PAK3: variants seen among roughly 807,000 people sequenced by gnomAD.
The protein encoded by PAK3 is serine/threonine-protein kinase PAK 3.
A neutral mutation model predicts 41.0 loss-of-function variants in PAK3; 4 were observed. That is an observed-to-expected ratio of 0.10 (90% confidence interval 0.05 to 0.22). The LOEUF is 0.22. Ranked by LOEUF, PAK3 falls within the 10% of genes least tolerant of loss-of-function variation. The pLI, the probability that PAK3 is intolerant of heterozygous loss-of-function variation, is 1.00. For synonymous variants in PAK3, 146 were observed against 139.6 expected, an observed-to-expected ratio of 1.05 and a Z score of -0.32; for missense variants, 205 against 409.9, an observed-to-expected ratio of 0.50 and a Z score of 4.32.
chrX:111,065,512 T>TTTTC (rs200681007), intron 1 of PAK3, among the ~76,000 whole-genome samples: 1,830 of 111,331 alleles, frequency 0.016, 45 homozygotes, highest in African/African-American at 0.055. Flanking sequence ...TGGCCTGTAG[T>TTTTC]TTTCTTTTTT....
intron 1 of PAK3, among the ~76,000 whole-genome samples, chrX:111,056,808 G>A (rs1250504047): frequency 1.8e-5 from 2 of 111,500 alleles, no homozygotes; most frequent in African/African-American, 6.5e-5. Context: ...TAGTGATTCC[G>A]TGAAAGCCTT....
At chrX:111,057,466 T>C (rs1390347198) in intron 1 of PAK3, among the ~76,000 whole-genome samples, 2 of 111,811 alleles carry the variant, frequency 1.8e-5, no homozygotes, top group African/African-American at 6.5e-5. Flanking sequence ...TTAGCAAGCC[T>C]CTAAAAATAA....
chrX:111,092,064 T>C (rs1347431938), upstream of PAK3, among the ~76,000 whole-genome samples: 3 of 111,608 alleles, frequency 2.7e-5, no homozygotes, highest in Non-Finnish European at 5.6e-5. Flanking sequence ...ATTCAGTGCC[T>C]GCCCAGGTAT....
chrX:111,019,360 A>G lies in PAK3; in HGVS notation c.-28+74732A>G, dbSNP rs146273350. ...TATATCTGGTAAGGGATTGATATCC[A>G]GAATTGTAAACTCAACAACAACCAC... On this transcript the variant is annotated intron_variant, in intron 1 of 14. Transcript: ENST00000425146. 3.8e-3 allele frequency among the ~76,000 whole-genome samples: 413 copies of G among 110,109 alleles called. 3 individuals carry two copies. Among genetic ancestry groups the G allele is most frequent in the Non-Finnish European group, 5.7e-3 (300 of 52,700 alleles).
chrX:111,141,980 TTG>T, intron 5 of PAK3, 114 bp from the exon 6 acceptor site: 1 of 539,932 alleles, frequency 1.9e-6, no homozygotes, highest in Non-Finnish European at 3.4e-6. Flanking sequence ...GTTGTTAAAA[TTG>T]TGTTGGAATC....
chrX:111,198,515 A>G (rs1016776196), intron 16 of PAK3, among the ~76,000 whole-genome samples: 1 of 112,015 alleles, frequency 8.9e-6, no homozygotes, highest in Non-Finnish European at 1.9e-5. Flanking sequence ...TGATGAAGGG[A>G]AAGGATCCAA....
At chrX:111,073,193 C>T (rs927204141) in intron 1 of PAK3, among the ~76,000 whole-genome samples, 3 of 111,194 alleles carry the variant, frequency 2.7e-5, no homozygotes, top group Non-Finnish European at 5.7e-5. Flanking sequence ...AAAATGGACA[C>T]ATAACATACC....
chrX:111,026,856 G>A lies in PAK3; in HGVS notation c.-28+82228G>A, dbSNP rs559892614. 1.2e-3 allele frequency among the ~76,000 whole-genome samples: 129 copies of A among 111,627 alleles called. 1 individual carries two copies. The Middle Eastern group carries it at 0.019, about 16-fold the overall frequency. On this transcript the variant is annotated intron_variant, in intron 1 of 14. Coordinates refer to the PAK3 transcript ENST00000425146. ...AAAAGAGCCCACATAGCCAAAGCAAGACTAAGAAAACAGAACAAATCTGGA... is the reference window on the plus strand; with the variant it reads ...AAAAGAGCCCACATAGCCAAAGCAAAACTAAGAAAACAGAACAAATCTGGA...
At chrX:111,114,931 C>T (rs2093436301) in intron 4 of PAK3, among the ~76,000 whole-genome samples, 1 of 112,151 alleles carries the variant, frequency 8.9e-6, no homozygotes. Context: ...GCTCCTTCCA[C>T]CAAGCCCTGC....
chrX:111,065,594 C>T (rs1055958202), intron 1 of PAK3, among the ~76,000 whole-genome samples: 3 of 111,464 alleles, frequency 2.7e-5, no homozygotes, highest in Non-Finnish European at 5.7e-5. Flanking sequence ...GGAGGAGCCC[C>T]TCCTCTTCAA....
intron 1 of PAK3, among the ~76,000 whole-genome samples, chrX:111,028,031 G>A (rs2404542): frequency 0.011 from 45 of 4,194 alleles, 1 homozygote; most frequent in Non-Finnish European, 0.04. Flanking sequence ...ATATATGTGT[G>A]TATATATATA....
intron 1 of PAK3, among the ~76,000 whole-genome samples, chrX:111,004,641 A>T (rs12392063): frequency 1.8e-5 from 2 of 112,301 alleles, no homozygotes; most frequent in Admixed American, 1.9e-4. Context: ...CACATACTTG[A>T]TCAATTTAAG....
chrX:111,019,717 GA>G (rs1308833075), intron 1 of PAK3, among the ~76,000 whole-genome samples: 1 of 11,322 alleles, frequency 8.8e-5, no homozygotes, highest in Non-Finnish European at 5.0e-4. Flanking sequence ...AGAAAGAAAA[GA>G]AAAAGGGGGG....
intron 1 of PAK3, among the ~76,000 whole-genome samples, chrX:110,979,906 C>T (rs1252927277): frequency 8.9e-6 from 1 of 112,029 alleles, no homozygotes; most frequent in Non-Finnish European, 1.9e-5. Context: ...GGACTCATAT[C>T]TGGAGGTTCT....
chrX:111,083,854 A>G lies in PAK3; in HGVS notation c.-27-39223A>G, dbSNP rs752337421. On this transcript the variant is annotated intron_variant, in intron 1 of 14. Transcript: ENST00000425146. ...TGCATGAACCAACTCTTTTCTTTCTACAGCATGACTTTCACTTGGTTCACA... is the reference window on the plus strand; with the variant it reads ...TGCATGAACCAACTCTTTTCTTTCTGCAGCATGACTTTCACTTGGTTCACA... Among the ~76,000 whole-genome samples the G allele has an allele frequency of 3.6e-5, 4 of 112,163 alleles. No individual in the cohort carries two copies. The East Asian group carries it at 1.1e-3, about 32-fold the overall frequency.
intron 16 of PAK3, among the ~76,000 whole-genome samples, chrX:111,215,820 A>C (rs755035903): frequency 1.4e-4 from 16 of 112,372 alleles, no homozygotes; most frequent in Non-Finnish European, 2.4e-4. Context: ...AATTAAAATC[A>C]ATAGGGATAC....
chrX:111,168,833 C>G (rs1323808003), intron 10 of PAK3, among the ~76,000 whole-genome samples: 1 of 111,414 alleles, frequency 9.0e-6, no homozygotes, highest in Non-Finnish European at 1.9e-5. Flanking sequence ...CTATAAACTG[C>G]TTAATAAAAT....
At chrX:110,963,216 T>C (rs759088800) in intron 1 of PAK3, among the ~76,000 whole-genome samples, 1 of 112,690 alleles carries the variant, frequency 8.9e-6, no homozygotes, top group South Asian at 3.7e-4. Flanking sequence ...TGAATTAAAA[T>C]TTTTTACATG....
At position 111,164,434 on chromosome X, in the gene PAK3, A is replaced by T. The variant is rs1343718847; in HGVS notation, c.766+707A>T. The stretch of plus-strand genomic sequence containing the variant: ...GCCCCCCCCAACCCCAGTTTGACTA[A>T]CTCCTACTTATCCTTCAATACTCAG... On this transcript the variant is annotated intron_variant, in intron 10 of 17. Coordinates refer to ENST00000372007, the MANE Select transcript of PAK3 (RefSeq NM_002578.5). 4.5e-5 allele frequency among the ~76,000 whole-genome samples: 5 copies of T among 110,899 alleles called. No homozygotes were observed. In the East Asian group the frequency reaches 1.4e-3, roughly 31 times the overall value.
Sources: gnomAD v4.1 joint callset for allele counts (sites outside exome capture counted in the v4.1 genomes callset) on GRCh38, gnomAD v4.1.1 for gene constraint, MANE v1.5 for transcripts, NCBI Gene and HGNC (gene_info 2026-07-23, HGNC 2026-07-21) for gene names.